PPP3R1: variants seen among roughly 807,000 people sequenced by gnomAD.
PPP3R1 encodes the protein calcineurin subunit B type 1.
A neutral mutation model predicts 22.6 loss-of-function variants in PPP3R1; 5 were observed. The ratio of observed to expected loss-of-function variants is 0.22; its 90% CI spans 0.12 to 0.46. The LOEUF (loss-of-function observed/expected upper bound fraction) is 0.46, where lower values mean the gene tolerates loss of function less well. Ranked by LOEUF, PPP3R1 falls within the 20% of genes least tolerant of loss-of-function variation. The pLI, the probability that PPP3R1 is intolerant of heterozygous loss-of-function variation, is 0.99. For missense variants in PPP3R1, 61 were observed against 203.2 expected (o/e 0.30, Z 4.25); for synonymous variants, 56 against 65.2 (o/e 0.86, Z 0.68).
chr2:68,192,343 T>C (rs942251690), intron 2 of PPP3R1, among the ~76,000 whole-genome samples: 2 of 152,068 alleles, frequency 1.3e-5, no homozygotes, highest in South Asian at 2.1e-4. Flanking sequence ...CTATTGTGAG[T>C]AGATAAGAAA....
rs537096280 is a variant in PPP3R1, at chr2:68,219,793, A to T, written c.4-2662T>A. Among the ~76,000 whole-genome samples, 4 of 152,340 alleles carry T rather than the reference A, an allele frequency of 2.6e-5. No homozygotes were observed. The South Asian group carries it at 8.3e-4, about 32-fold the overall frequency. ...CAAAACCATAAAATTATATCTAAAT[A>T]TGAAAAAAGTCCTAAAGCTAACATG... On this transcript the variant is annotated intron_variant, in intron 1 of 5. Transcript: ENST00000234310.
chr2:68,186,081 T>C (rs1558626650), intron 5 of PPP3R1, among the ~76,000 whole-genome samples: 1 of 152,242 alleles, frequency 6.6e-6, no homozygotes, highest in East Asian at 1.9e-4. Flanking sequence ...CTGGATGCTC[T>C]AGTTTTCTCT....
At chr2:68,237,602 T>C (rs906046706) in intron 1 of PPP3R1, among the ~76,000 whole-genome samples, 2 of 152,168 alleles carry the variant, frequency 1.3e-5, no homozygotes, top group Non-Finnish European at 2.9e-5. Context: ...AAACAGCTGC[T>C]ACATGTTAAG....
chr2:68,252,183 C>G lies in PPP3R1; in HGVS notation c.-56G>C. The G allele has an allele frequency of 1.5e-6, 2 of 1,320,670 alleles. No homozygotes were observed. Among genetic ancestry groups the G allele is most frequent in the Non-Finnish European group, 2.0e-6 (2 of 1,010,532 alleles). 81.8% of individuals were successfully genotyped at this position (1,320,670 alleles called of 1,614,324 possible). On this transcript the variant is annotated 5_prime_UTR_variant, in exon 1 of 6. Coordinates refer to ENST00000234310, the MANE Select transcript of PPP3R1 (RefSeq NM_000945.4). ...CGCTGGCTCGGAGAAGTGTTGCGCT[C>G]AGGCTGGCTCGCAGGAAACGGCGGC...
At chr2:68,222,561 A>G (rs1357296933) in intron 1 of PPP3R1, among the ~76,000 whole-genome samples, 1 of 152,218 alleles carries the variant, frequency 6.6e-6, no homozygotes, top group Non-Finnish European at 1.5e-5. Context: ...TGAGCTGCAA[A>G]GTCAAGCTTT....
intron 1 of PPP3R1, among the ~76,000 whole-genome samples, chr2:68,219,154 GAGAAC>G (rs1669637098): frequency 6.6e-6 from 1 of 152,104 alleles, no homozygotes; most frequent in African/African-American, 2.4e-5. Flanking sequence ...CTTTAATTAA[GAGAAC>G]TCGTATCTCT....
In PPP3R1 at chr2:68,251,844, G is replaced by A. The variant is rs542433847; in HGVS notation, c.3+281C>T. Among the ~76,000 whole-genome samples, 132 of 147,454 alleles carry A rather than the reference G, an allele frequency of 9.0e-4. 1 individual carries two copies. Among genetic ancestry groups the A allele is most frequent in the African/African-American group, 3.0e-3 (123 of 40,706 alleles). ...GCGGGGGTCGATGCCGGGCGGGACC[G>A]GCGGCGCGGGGGTGGGGCGACGGCG... On this transcript the variant is annotated intron_variant, in intron 1 of 5. Transcript: ENST00000234310.
intron 2 of PPP3R1, among the ~76,000 whole-genome samples, chr2:68,198,310 CAT>C (rs1376815602): frequency 7.1e-6 from 1 of 141,052 alleles, no homozygotes; most frequent in African/African-American, 2.7e-5. Context: ...TACATGTATA[CAT>C]ATATGTATAT....
chr2:68,180,950 T>C lies in PPP3R1; in HGVS notation c.*13A>G, dbSNP rs1674387824. On this transcript the variant is annotated 3_prime_UTR_variant, in exon 6 of 6. Transcript: ENST00000234310. ...AGAAAGCAAAAGTGTTGGGTGGTAC[T>C]CTCTGATAAGAGTCACACATCTACC... 3 of 1,610,066 alleles carry C rather than the reference T, an allele frequency of 1.9e-6. No homozygotes were observed. The South Asian group carries it at 3.3e-5, about 18-fold the overall frequency.
intron 2 of PPP3R1, among the ~76,000 whole-genome samples, chr2:68,192,434 C>A (rs150262390): frequency 9.2e-5 from 14 of 152,106 alleles, no homozygotes; most frequent in African/African-American, 2.9e-4. Flanking sequence ...AGAGGAAAAG[C>A]AGAAATGTAG....
intron 1 of PPP3R1, among the ~76,000 whole-genome samples, chr2:68,220,979 G>A (rs1669678152): frequency 6.6e-6 from 1 of 152,030 alleles, no homozygotes; most frequent in South Asian, 2.1e-4. Context: ...TAGAGGTGGT[G>A]GTTGTACTAC....
At chr2:68,224,265 T>G (rs77497911) in intron 1 of PPP3R1, among the ~76,000 whole-genome samples, 1 of 152,150 alleles carries the variant, frequency 6.6e-6, no homozygotes, top group Non-Finnish European at 1.5e-5. Flanking sequence ...TAGAAATCAA[T>G]AAACTAATTC....
intron 1 of PPP3R1, among the ~76,000 whole-genome samples, chr2:68,241,837 C>T (rs1670143650): frequency 7.2e-6 from 1 of 138,326 alleles, no homozygotes; most frequent in South Asian, 2.2e-4. Flanking sequence ...GAGTAAGACT[C>T]CATCTCAAAA....
intron 2 of PPP3R1, among the ~76,000 whole-genome samples, chr2:68,196,928 T>C (rs1466426991): frequency 6.6e-6 from 1 of 152,168 alleles, no homozygotes; most frequent in Admixed American, 6.5e-5. Context: ...TTTCACCATG[T>C]TGGCCAGTCT....
intron 2 of PPP3R1, among the ~76,000 whole-genome samples, chr2:68,204,164 C>T (rs7577500): frequency 0.21 from 32,324 of 151,928 alleles, 3,670 homozygotes; most frequent in Non-Finnish European, 0.25. Flanking sequence ...AGTTATCATG[C>T]CAAGTTAGAA....
chr2:68,252,089 G>T, intron 1 of PPP3R1, 36 bp downstream of exon 1: 3 of 1,417,424 alleles, frequency 2.1e-6, no homozygotes, highest in Non-Finnish European at 2.8e-6. Context: ...CGGCAGTAGG[G>T]GGAGGGATGG....
chr2:68,227,326 A>T (rs1158278392), intron 1 of PPP3R1, among the ~76,000 whole-genome samples: 1 of 152,022 alleles, frequency 6.6e-6, no homozygotes, highest in Non-Finnish European at 1.5e-5. Flanking sequence ...ATCAATCTAA[A>T]TGTCTTTACC....
chr2:68,203,366 C>G (rs376257162), intron 2 of PPP3R1, among the ~76,000 whole-genome samples: 13 of 152,318 alleles, frequency 8.5e-5, no homozygotes, highest in African/African-American at 3.1e-4. Context: ...CTTTGGGAGG[C>G]CAAGGCGGGT....
In PPP3R1 at chr2:68,186,496, C is replaced by T. The variant is rs1467270891; in HGVS notation, c.437G>A (p.Gly146Glu). The T allele has an allele frequency of 6.2e-7, 1 of 1,613,034 alleles. No individual in the cohort carries two copies. The highest frequency in any genetic ancestry group is 1.3e-5 in the African/African-American group (1 of 74,888). ...TIINADKDGD[G>E]RISFEEFCAV... The stretch of plus-strand genomic sequence containing the variant: ...ACAGAATTCTTCAAAGGATATTCTT[C>T]CATCTCCATCCTTATCTGCATTTAT... Residue 146 changes from glycine to glutamate, a missense_variant, in exon 5 of 6, where the codon GGA becomes GAA. Gly to Glu is a moderately conservative substitution (Grantham distance 98). Coordinates refer to ENST00000234310, the MANE Select transcript of PPP3R1 (RefSeq NM_000945.4).
Sources: allele counts gnomAD v4.1 joint callset (sites outside exome capture counted in the v4.1 genomes callset), GRCh38; gene constraint gnomAD v4.1.1; transcripts MANE v1.5; gene names NCBI Gene and HGNC (gene_info 2026-07-23, HGNC 2026-07-21).